THSD4: variants seen among roughly 807,000 people sequenced by gnomAD.
The protein encoded by THSD4 is thrombospondin type 1 domain containing 4, also known as thrombospondin type-1 domain-containing protein 4.
In THSD4, 69 loss-of-function variants were observed where a neutral mutation model predicts 119.0. The ratio of observed to expected loss-of-function variants is 0.58; its 90% CI spans 0.48 to 0.71. The LOEUF is 0.71. THSD4 is among the 30% of genes least tolerant of loss of function. The pLI is 0.00. For synonymous variants in THSD4, 524 were observed against 540.4 expected, an observed-to-expected ratio of 0.97 and a Z score of 0.42; for missense variants, 1,393 against 1,391.1, an observed-to-expected ratio of 1.00 and a Z score of -0.02.
intron 6 of THSD4, among the ~76,000 whole-genome samples, chr15:71,265,908 A>G (rs1285612295): frequency 6.6e-6 from 1 of 152,140 alleles, no homozygotes. Context: ...GCCTCTCTAG[A>G]TTCCTCCTCA....
At chr15:71,100,080 T>C (rs944268403) in intron 1 of THSD4, among the ~76,000 whole-genome samples, 4 of 152,232 alleles carry the variant, frequency 2.6e-5, no homozygotes, top group Non-Finnish European at 5.9e-5. Flanking sequence ...TCATTCAGTC[T>C]CTGTCTTTTA....
In THSD4 at chr15:71,207,489, A is replaced by G. The variant is rs369933154; in HGVS notation, c.100-7546A>G. ...AGGCAGACCCAGTTCATTTCACATT[A>G]TCTTGATTACCACATTTTATGCATA... On this transcript the variant is annotated intron_variant, in intron 3 of 17. Coordinates refer to ENST00000261862, the MANE Select transcript of THSD4 (RefSeq NM_024817.3). 2.6e-5 allele frequency among the ~76,000 whole-genome samples: 4 copies of G among 152,182 alleles called. No homozygotes were observed. The East Asian group carries it at 7.7e-4, about 29-fold the overall frequency.
chr15:71,649,366 T>C (rs1030168182), intron 7 of THSD4, among the ~76,000 whole-genome samples: 1 of 152,152 alleles, frequency 6.6e-6, no homozygotes, highest in Non-Finnish European at 1.5e-5. Context: ...CTCTGCCTCC[T>C]GGGGTCAAGC....
intron 2 of THSD4, among the ~76,000 whole-genome samples, chr15:71,145,841 G>A (rs1409538659): frequency 6.6e-6 from 1 of 151,982 alleles, no homozygotes. Context: ...GGAGGGAGTG[G>A]AGGAAGGAGA....
chr15:71,577,013 A>G (rs1036325900), intron 7 of THSD4, among the ~76,000 whole-genome samples: 1 of 152,006 alleles, frequency 6.6e-6, no homozygotes, highest in Non-Finnish European at 1.5e-5. Context: ...TTATATAATA[A>G]ATGGTATTTT....
chr15:71,620,126 C>G (rs2050394682), intron 7 of THSD4, among the ~76,000 whole-genome samples: 1 of 152,172 alleles, frequency 6.6e-6, no homozygotes, highest in African/African-American at 2.4e-5. Context: ...AGCAGACAAA[C>G]TGGGCTTCAG....
At chr15:71,273,521 T>A (rs2044556989) in intron 6 of THSD4, among the ~76,000 whole-genome samples, 1 of 152,118 alleles carries the variant, frequency 6.6e-6, no homozygotes, top group South Asian at 2.1e-4. Flanking sequence ...ATTTCAAAGT[T>A]GCTAAAAGAG....
intron 7 of THSD4, among the ~76,000 whole-genome samples, chr15:71,599,829 C>G (rs11637895): frequency 0.074 from 11,269 of 152,270 alleles, 477 homozygotes; most frequent in Admixed American, 0.12. Flanking sequence ...TGAGCCGAAA[C>G]ACTGGGAGCC....
chr15:71,581,773 C>G (rs1381151813), intron 7 of THSD4, among the ~76,000 whole-genome samples: 1 of 152,124 alleles, frequency 6.6e-6, no homozygotes, highest in African/African-American at 2.4e-5. Context: ...AGAGACTATT[C>G]TTTCTCCATT....
chr15:71,325,909 C>T (rs943751510), intron 6 of THSD4, among the ~76,000 whole-genome samples: 1 of 152,178 alleles, frequency 6.6e-6, no homozygotes, highest in Admixed American at 6.5e-5. Context: ...AATATTTTTC[C>T]TGGGAACTTT....
At chr15:71,261,532 A>G (rs1383963029) in intron 6 of THSD4, among the ~76,000 whole-genome samples, 2 of 152,152 alleles carry the variant, frequency 1.3e-5, no homozygotes, top group Non-Finnish European at 2.9e-5. Flanking sequence ...CCAATCCCAG[A>G]CAAACTATAC....
At chr15:71,400,508 G>C (rs746628079) in intron 6 of THSD4, among the ~76,000 whole-genome samples, 4 of 152,136 alleles carry the variant, frequency 2.6e-5, no homozygotes, top group Non-Finnish European at 5.9e-5. Context: ...AGGGCAGGCG[G>C]ATACTTTGTC....
chr15:71,454,415 A>G (rs373286967), intron 7 of THSD4, among the ~76,000 whole-genome samples: 2 of 152,344 alleles, frequency 1.3e-5, no homozygotes, highest in East Asian at 1.9e-4. Flanking sequence ...GAAGGGTGGG[A>G]TCATCCCTGG....
intron 7 of THSD4, among the ~76,000 whole-genome samples, chr15:71,473,052 T>A (rs1389896322): frequency 6.8e-6 from 1 of 146,124 alleles, no homozygotes; most frequent in Admixed American, 7.1e-5. Flanking sequence ...ATTACTGTAT[T>A]TGGCTTTTTT....
intron 6 of THSD4, among the ~76,000 whole-genome samples, chr15:71,389,205 A>G (rs1192569878): frequency 1.3e-5 from 2 of 152,196 alleles, no homozygotes; most frequent in African/African-American, 2.4e-5. Flanking sequence ...AAGTACATTC[A>G]CATTGTTGTG....
At chr15:71,460,103 C>T (rs1047725819) in intron 7 of THSD4, among the ~76,000 whole-genome samples, 1 of 152,114 alleles carries the variant, frequency 6.6e-6, no homozygotes, top group Non-Finnish European at 1.5e-5. Context: ...TTTTTATCCA[C>T]TTGATTTCTG....
chr15:71,578,358 GA>G (rs1325096594), intron 7 of THSD4, among the ~76,000 whole-genome samples: 1 of 152,086 alleles, frequency 6.6e-6, no homozygotes, highest in African/African-American at 2.4e-5. Context: ...TTATAGCAAG[GA>G]TGATGCTCAT....
intron 6 of THSD4, among the ~76,000 whole-genome samples, chr15:71,304,779 T>C (rs543520956): frequency 4.6e-5 from 7 of 152,192 alleles, no homozygotes; most frequent in Non-Finnish European, 7.4e-5. Flanking sequence ...ATTTGCCCCA[T>C]CTTAGGTAAT....
intron 15 of THSD4, among the ~76,000 whole-genome samples, 155 bp from the exon 16 acceptor site, chr15:71,764,865 T>C (rs1209624591): frequency 6.6e-6 from 1 of 152,254 alleles, no homozygotes; most frequent in Non-Finnish European, 1.5e-5. Flanking sequence ...CATATGCCAT[T>C]TCTCCTCCAG....
Sources: gnomAD v4.1 joint callset for allele counts (sites outside exome capture counted in the v4.1 genomes callset) on GRCh38, gnomAD v4.1.1 for gene constraint, MANE v1.5 for transcripts, NCBI Gene and HGNC (gene_info 2026-07-23, HGNC 2026-07-21) for gene names.